MEF2A: variants seen among roughly 807,000 people sequenced by gnomAD.
MEF2A encodes the protein myocyte enhancer factor 2A.
Under a neutral mutation model 55.8 loss-of-function variants are expected in MEF2A, and 28 were observed. The observed-to-expected ratio is 0.50, with a 90% CI of 0.37 to 0.69. The LOEUF is 0.69. Among genes scored for constraint, MEF2A ranks in the 30% least tolerant of loss-of-function variants. The pLI, the probability that MEF2A is intolerant of heterozygous loss-of-function variation, is 0.00. For missense variants in MEF2A, 528 were observed against 626.2 expected (o/e 0.84, Z 1.67); for synonymous variants, 239 against 227.1 (o/e 1.05, Z -0.47).
chr15:99,666,028 G>T (rs754425723), intron 4 of MEF2A, among the ~76,000 whole-genome samples: 1 of 152,158 alleles, frequency 6.6e-6, no homozygotes, highest in Non-Finnish European at 1.5e-5. Context: ...AGACAGTGTG[G>T]TGATTCCTCA....
chr15:99,664,361 A>G (rs1419756598), intron 4 of MEF2A, among the ~76,000 whole-genome samples: 1 of 152,228 alleles, frequency 6.6e-6, no homozygotes, highest in Non-Finnish European at 1.5e-5. Context: ...GCCGGACACC[A>G]GGAACTTCAT....
At chr15:99,602,889 G>A (rs938200025) in intron 2 of MEF2A, among the ~76,000 whole-genome samples, 3 of 151,538 alleles carry the variant, frequency 2.0e-5, no homozygotes, top group Non-Finnish European at 2.9e-5. Context: ...ACTGATACAG[G>A]GCTATTTGGA....
chr15:99,651,990 G>C (rs1177672289), intron 4 of MEF2A, among the ~76,000 whole-genome samples: 1 of 152,158 alleles, frequency 6.6e-6, no homozygotes, highest in East Asian at 1.9e-4. Flanking sequence ...ATATGTGTCA[G>C]GGATTGAATA....
intron 4 of MEF2A, among the ~76,000 whole-genome samples, chr15:99,650,330 G>T (rs77790232): frequency 6.6e-6 from 1 of 152,212 alleles, no homozygotes; most frequent in Non-Finnish European, 1.5e-5. Context: ...GCATTTTACC[G>T]TAAGTAGATA....
chr15:99,692,431 A>G (rs955791367), intron 8 of MEF2A, among the ~76,000 whole-genome samples: 9 of 152,196 alleles, frequency 5.9e-5, no homozygotes, highest in East Asian at 1.9e-4. Flanking sequence ...TGAACTCATT[A>G]TAGTGCTGAG....
chr15:99,642,713 C>A (rs575220013), intron 3 of MEF2A, among the ~76,000 whole-genome samples: 1 of 152,270 alleles, frequency 6.6e-6, no homozygotes, highest in South Asian at 2.1e-4. Flanking sequence ...GAACAAGATT[C>A]TTCACTTATT....
intron 3 of MEF2A, among the ~76,000 whole-genome samples, chr15:99,635,230 C>T (rs1192747552): frequency 4.6e-5 from 7 of 152,110 alleles, no homozygotes; most frequent in Non-Finnish European, 8.8e-5. Flanking sequence ...GGTTTAGGGA[C>T]TATTGGTTGG....
intron 1 of MEF2A, among the ~76,000 whole-genome samples, chr15:99,593,788 G>A (rs1249851609): frequency 1.3e-5 from 2 of 152,142 alleles, no homozygotes; most frequent in African/African-American, 4.8e-5. Flanking sequence ...GAGTTAAGTT[G>A]TACCGTGGTA....
At chr15:99,600,094 T>G (rs1294718278) in intron 2 of MEF2A, among the ~76,000 whole-genome samples, 2 of 152,172 alleles carry the variant, frequency 1.3e-5, no homozygotes, top group African/African-American at 2.4e-5. Flanking sequence ...CCTGTTTGTT[T>G]TGTTCATTAA....
At chr15:99,619,686 T>C (rs1187007522) in intron 2 of MEF2A, among the ~76,000 whole-genome samples, 1 of 152,250 alleles carries the variant, frequency 6.6e-6, no homozygotes, top group Non-Finnish European at 1.5e-5. Context: ...ATTGTAGTAA[T>C]ACTGTCTTTT....
At position 99,587,965 on chromosome 15, in the gene MEF2A, T is replaced by C. The variant is rs568838718; in HGVS notation, c.-224-10465T>C. ...CTTAGGACCTTCAGTAAAATAGCAA[T>C]TAAAAATGGTGAGAGTGGACATTCT... On this transcript the variant is annotated intron_variant, in intron 1 of 11. Coordinates refer to ENST00000557942, the MANE Select transcript of MEF2A (RefSeq NM_001319206.4). Among the ~76,000 whole-genome samples, 11 of 152,314 alleles carry C rather than the reference T, an allele frequency of 7.2e-5. No homozygotes were observed. In the South Asian group the frequency reaches 2.3e-3, roughly 32 times the overall value.
chr15:99,652,363 C>T (rs1038411303), intron 4 of MEF2A, among the ~76,000 whole-genome samples: 2 of 152,130 alleles, frequency 1.3e-5, no homozygotes, highest in East Asian at 1.9e-4. Context: ...GCTGATGTGA[C>T]GGGAGGCAGA....
rs775485813 is a variant in MEF2A, at chr15:99,710,706, A to G, written c.1082A>G (p.Gln361Arg). ...TCGCCAGGAATGCTGTCGCTGGGAC[A>G]GGTGTCGGCCTGGCAGCAGCACCAC... ...FNSPGMLSLGQVSAWQQHHLG... is the reference protein window; with the variant it reads ...FNSPGMLSLGRVSAWQQHHLG... Residue 361 changes from glutamine to arginine, a missense_variant, in exon 11 of 12, where the codon CAG (glutamine) becomes CGG (arginine). Gln to Arg is a conservative substitution (Grantham distance 43). Around this residue, in one of 2 missense-constraint regions of MEF2A, gnomAD observed 450 missense variants for 475.3 expected, o/e 0.95. Coordinates refer to ENST00000557942, the MANE Select transcript of MEF2A (RefSeq NM_001319206.4). 6.2e-7 allele frequency: 1 copy of G among 1,613,410 alleles called. No individual in the cohort carries two copies. Among genetic ancestry groups the G allele is most frequent in the South Asian group, 1.1e-5 (1 of 91,072 alleles).
chr15:99,695,734 C>T (rs1042417155), intron 8 of MEF2A, among the ~76,000 whole-genome samples: 8 of 152,010 alleles, frequency 5.3e-5, no homozygotes, highest in Non-Finnish European at 1.0e-4. Flanking sequence ...TAGCACACGT[C>T]TGTAATCCCA....
At chr15:99,629,314 AC>A (rs754967154) in intron 2 of MEF2A, among the ~76,000 whole-genome samples, 12 of 152,218 alleles carry the variant, frequency 7.9e-5, no homozygotes, top group Non-Finnish European at 1.6e-4. Context: ...AAAGCAATTT[AC>A]TTCTGCACAG....
chr15:99,656,747 T>C (rs2047785031), intron 4 of MEF2A, among the ~76,000 whole-genome samples: 1 of 152,154 alleles, frequency 6.6e-6, no homozygotes, highest in South Asian at 2.1e-4. Flanking sequence ...TTTTAATTGC[T>C]TATTGAAATG....
At chr15:99,707,614 G>T (rs1670003818) in intron 10 of MEF2A, among the ~76,000 whole-genome samples, 1 of 152,110 alleles carries the variant, frequency 6.6e-6, no homozygotes, top group African/African-American at 2.4e-5. Context: ...AATCTAAGAA[G>T]GAGTGGAAAA....
chr15:99,643,932 G>A lies in MEF2A; in HGVS notation c.55-1629G>A, dbSNP rs75686788. Among the ~76,000 whole-genome samples, 1,026 of 152,134 alleles carry A rather than the reference G, an allele frequency of 6.7e-3. 24 individuals are homozygous for A. Among genetic ancestry groups the A allele is most frequent in the East Asian group, 0.067 (348 of 5,172 alleles). Reference sequence around the variant, plus strand: ...CAAATATAGACCAGTATTCAAAGATGATTCATAAAAGGTGATTTGGGTATA... The same window carrying A: ...CAAATATAGACCAGTATTCAAAGATAATTCATAAAAGGTGATTTGGGTATA... On this transcript the variant is annotated intron_variant, in intron 3 of 11. Transcript: ENST00000557942.
At chr15:99,588,499 T>C (rs1968151819) in intron 1 of MEF2A, among the ~76,000 whole-genome samples, 1 of 151,672 alleles carries the variant, frequency 6.6e-6, no homozygotes, top group African/African-American at 2.4e-5. Context: ...AGACTCAAGG[T>C]TTCACCCTGT....
Sources: gnomAD v4.1 joint callset for allele counts (sites outside exome capture counted in the v4.1 genomes callset) on GRCh38, gnomAD v4.1.1 for gene constraint, gnomAD v4.1.1 regional missense constraint, MANE v1.5 for transcripts, NCBI Gene and HGNC (gene_info 2026-07-23, HGNC 2026-07-21) for gene names.